Variants in INHBC observed in about 807,000 individuals in gnomAD.
INHBC encodes inhibin subunit beta C, also known as inhibin beta C chain.
INHBC carries 10 observed loss-of-function variants against 12.4 expected under a neutral mutation model. The ratio of observed to expected loss-of-function variants is 0.81; its 90% CI spans 0.50 to 1.37. The LOEUF is 1.37. Ranked by LOEUF, INHBC falls within the 40% of genes most tolerant of loss-of-function variation. The pLI is 0.00. For missense variants in INHBC, 382 were observed against 439.4 expected (o/e 0.87, Z 1.17); for synonymous variants, 147 against 171.6 (o/e 0.86, Z 1.12).
chr12:57,445,230 T>C (rs1018366058), intron 1 of INHBC, among the ~76,000 whole-genome samples: 5 of 152,240 alleles, frequency 3.3e-5, no homozygotes, highest in African/African-American at 1.2e-4. Context: ...GGAGTTTAGA[T>C]TTTATCCAAA....
intron 1 of INHBC, among the ~76,000 whole-genome samples, chr12:57,442,977 G>A (rs1870497822): frequency 6.8e-6 from 1 of 146,802 alleles, no homozygotes; most frequent in South Asian, 2.2e-4. Flanking sequence ...GGCGACAAGA[G>A]TGAGACTCCG....
intron 1 of INHBC, among the ~76,000 whole-genome samples, chr12:57,444,367 T>C (rs12423654): frequency 0.43 from 65,230 of 151,646 alleles, 14,912 homozygotes; most frequent in South Asian, 0.52. Flanking sequence ...ATGGCAAAAC[T>C]CCGTCTCTAC....
intron 1 of INHBC, among the ~76,000 whole-genome samples, chr12:57,444,285 G>C (rs550611707): frequency 6.6e-6 from 1 of 151,316 alleles, no homozygotes; most frequent in South Asian, 2.1e-4. Context: ...GCTCATGCCT[G>C]TAATCCCAGC....
intron 1 of INHBC, among the ~76,000 whole-genome samples, chr12:57,445,966 G>C (rs1021778306): frequency 7.3e-5 from 11 of 151,350 alleles, no homozygotes; most frequent in Non-Finnish European, 1.6e-4. Context: ...ACAGAGTCTC[G>C]CTGTGTTGCC....
intron 1 of INHBC, among the ~76,000 whole-genome samples, chr12:57,435,648 GCAATACCT>G (rs1271579058): frequency 2.0e-5 from 3 of 152,042 alleles, no homozygotes; most frequent in Admixed American, 2.0e-4. Context: ...CACCAGGACT[GCAATACCT>G]CACCATATGT....
intron 1 of INHBC, among the ~76,000 whole-genome samples, chr12:57,437,682 A>AG (rs1452584328): frequency 4.0e-5 from 6 of 150,988 alleles, no homozygotes; most frequent in Non-Finnish European, 8.9e-5. Context: ...AAAAAAAAAA[A>AG]AAAGAAAGAA....
intron 1 of INHBC, among the ~76,000 whole-genome samples, chr12:57,445,608 G>A (rs2139834008): frequency 6.6e-6 from 1 of 152,214 alleles, no homozygotes; most frequent in East Asian, 1.9e-4. Context: ...CAGGATTGAG[G>A]CTGGGCACAT....
rs1001328649 is a variant in INHBC at position 57,449,303 on chromosome 12, C to G, written c.340C>G (p.Leu114Val). Residue 114 changes from leucine to valine, a missense_variant, in exon 2 of 2, where the codon CTT (leucine) becomes GTT (valine). Transcript: ENST00000309668. ...CCTCTCCACCATCAACCAGACTCGTCTTGATTTTCACTTCTCCTCTGATAG... is the reference window on the plus strand; with the variant it reads ...CCTCTCCACCATCAACCAGACTCGTGTTGATTTTCACTTCTCCTCTGATAG... ...TGLSTINQTRLDFHFSSDRTA... is the reference protein window; with the variant it reads ...TGLSTINQTRVDFHFSSDRTA... 3 of 1,613,906 alleles carry G rather than the reference C, an allele frequency of 1.9e-6. No individual in the cohort carries two copies. The highest frequency in any genetic ancestry group is 2.5e-6 in the Non-Finnish European group (3 of 1,179,936).
intron 1 of INHBC, among the ~76,000 whole-genome samples, chr12:57,447,120 A>G (rs1870594568): frequency 6.6e-6 from 1 of 152,226 alleles, no homozygotes; most frequent in South Asian, 2.1e-4. Flanking sequence ...AAAGAAATGC[A>G]CAGACATTAG....
intron 1 of INHBC, among the ~76,000 whole-genome samples, chr12:57,444,754 T>A (rs1207837221): frequency 6.6e-6 from 1 of 152,010 alleles, no homozygotes; most frequent in Non-Finnish European, 1.5e-5. Flanking sequence ...TCTTGGCTCA[T>A]TGCAGCTTTG....
chr12:57,434,904 T>A lies in INHBC; in HGVS notation c.18T>A (p.Leu6=). Residue 6 remains leucine (L), a synonymous_variant, in exon 1 of 2, where the codon CTT becomes CTA. Transcript: ENST00000309668. Reference sequence around the variant, plus strand: ...CCCCAGCAATGACCTCCTCATTGCTTCTGGCCTTTCTCCTCCTGGCTCCAA... The same window carrying A: ...CCCCAGCAATGACCTCCTCATTGCTACTGGCCTTTCTCCTCCTGGCTCCAA... MTSSL[L]LAFLLLAPTT... The A allele has an allele frequency of 6.2e-7, 1 of 1,613,172 alleles. No individual in the cohort carries two copies. The highest frequency in any genetic ancestry group is 8.5e-7 in the Non-Finnish European group (1 of 1,179,316).
intron 1 of INHBC, among the ~76,000 whole-genome samples, chr12:57,443,652 C>T (rs1250371450): frequency 6.6e-6 from 1 of 152,046 alleles, no homozygotes; most frequent in East Asian, 1.9e-4. Flanking sequence ...TTAACTGTTT[C>T]CTAAAAGAGT....
At position 57,451,228 on chromosome 12, in the gene INHBC, C is replaced by G. The variant is rs1870706114; in HGVS notation, c.*1206C>G. ...TTTACCTGTTCCCTCTGTAATCCCT[C>G]CAAAAGATGAGACAGATCTATGCTT... is the stretch of plus-strand genomic sequence containing the variant. On this transcript the variant is annotated 3_prime_UTR_variant, in exon 2 of 2. Coordinates refer to ENST00000309668, the MANE Select transcript of INHBC (RefSeq NM_005538.4). 6.6e-6 allele frequency among the ~76,000 whole-genome samples: 1 copy of G among 152,234 alleles called. No individual in the cohort carries two copies. The highest frequency in any genetic ancestry group is 1.5e-5 in the Non-Finnish European group (1 of 68,036).
chr12:57,434,852 G>A lies in INHBC; in HGVS notation c.-35G>A. The A allele has an allele frequency of 2.5e-6, 4 of 1,570,382 alleles. No individual in the cohort carries two copies. The highest frequency in any genetic ancestry group is 1.2e-5 in the South Asian group (1 of 84,412). ...CACAGCTGTTGAGACCCTGAGCCCT[G>A]AGTCTGTATTGCTCAAGAAGGGCCT... On this transcript the variant is annotated 5_prime_UTR_variant, in exon 1 of 2. Coordinates refer to ENST00000309668, the MANE Select transcript of INHBC (RefSeq NM_005538.4).
At position 57,449,305 on chromosome 12, in the gene INHBC, T is replaced by C; in HGVS notation, c.342T>C (p.Leu114=). Residue 114 remains leucine, a synonymous_variant, in exon 2 of 2, where the codon CTT becomes CTC. Coordinates refer to ENST00000309668, the MANE Select transcript of INHBC (RefSeq NM_005538.4). The part of the protein sequence containing the change: ...TGLSTINQTR[L]DFHFSSDRTA... ...TCTCCACCATCAACCAGACTCGTCT[T>C]GATTTTCACTTCTCCTCTGATAGAA... 1 of 1,614,082 alleles carries C rather than the reference T, an allele frequency of 6.2e-7. No homozygotes were observed. The highest frequency in any genetic ancestry group is 8.5e-7 in the Non-Finnish European group (1 of 1,179,952).
intron 1 of INHBC, among the ~76,000 whole-genome samples, 191 bp downstream of exon 1, chr12:57,435,390 C>T (rs958833990): frequency 6.6e-6 from 1 of 152,202 alleles, no homozygotes; most frequent in Non-Finnish European, 1.5e-5. Flanking sequence ...TAGCTCAGAC[C>T]TGACCAATAG....
chr12:57,447,613 G>A (rs1188721780), intron 1 of INHBC, among the ~76,000 whole-genome samples: 30 of 150,132 alleles, frequency 2.0e-4, no homozygotes, highest in Admixed American at 1.0e-3. Flanking sequence ...GGCCAGGCGC[G>A]GTGGCTTACG....
At position 57,450,126 on chromosome 12, in the gene INHBC, T is replaced by A; in HGVS notation, c.*104T>A. 8.0e-7 allele frequency: 1 copy of A among 1,245,766 alleles called. No homozygotes were observed. Among genetic ancestry groups the A allele is most frequent in the South Asian group, 2.0e-5 (1 of 51,104 alleles). 77.2% of individuals were successfully genotyped at this position (1,245,766 alleles called of 1,614,324 possible). A position where few individuals can be genotyped will look rare whatever the true frequency, so the allele number is the denominator to read the frequency against. ...ATGACCTCATTCTCTGTCCAGAATGTGGACTCCCTCTTCCTGAGCATCTTA... is the reference window on the plus strand; with the variant it reads ...ATGACCTCATTCTCTGTCCAGAATGAGGACTCCCTCTTCCTGAGCATCTTA... On this transcript the variant is annotated 3_prime_UTR_variant, in exon 2 of 2. Transcript: ENST00000309668.
At position 57,449,592 on chromosome 12, in the gene INHBC, T is replaced by A; in HGVS notation, c.629T>A (p.Val210Asp). ...VLEGQVAQSS[V>D]ILGGAAHRPF... ...GAAGGCCAGGTAGCCCAGAGCTCAG[T>A]CATCCTGGGTGGAGCTGCCCATAGG... Residue 210 changes from valine to aspartate, a missense_variant, in exon 2 of 2, where the codon GTC becomes GAC. Coordinates refer to ENST00000309668, the MANE Select transcript of INHBC (RefSeq NM_005538.4). 1 of 1,614,212 alleles carries A rather than the reference T, an allele frequency of 6.2e-7. No individual in the cohort carries two copies. Among genetic ancestry groups the A allele is most frequent in the Non-Finnish European group, 8.5e-7 (1 of 1,180,032 alleles).
Sources: gnomAD v4.1 joint callset for allele counts (sites outside exome capture counted in the v4.1 genomes callset) on GRCh38, gnomAD v4.1.1 for gene constraint, MANE v1.5 for transcripts, NCBI Gene and HGNC (gene_info 2026-07-23, HGNC 2026-07-21) for gene names.